Variants in RBM27 observed in about 807,000 individuals in gnomAD.
RBM27 encodes the protein RNA binding motif protein 27.
In RBM27, 22 loss-of-function variants were observed where a neutral mutation model predicts 135.3. That is an observed-to-expected ratio of 0.16 (90% confidence interval 0.12 to 0.23). The LOEUF is 0.23. Ranked by LOEUF, RBM27 falls within the 10% of genes least tolerant of loss-of-function variation. The pLI, the probability that RBM27 is intolerant of heterozygous loss-of-function variation, is 1.00. For missense variants in RBM27, 1,009 were observed against 1,281.0 expected (o/e 0.79, Z 3.24); for synonymous variants, 481 against 442.4 (o/e 1.09, Z -1.10).
intron 6 of RBM27, among the ~76,000 whole-genome samples, chr5:146,233,100 T>A (rs1000025599): frequency 3.9e-5 from 6 of 152,308 alleles, no homozygotes; most frequent in African/African-American, 1.4e-4. Flanking sequence ...ATGCCCTTAT[T>A]CTCCCCTACC....
intron 19 of RBM27, among the ~76,000 whole-genome samples, chr5:146,273,495 A>G (rs894655278): frequency 8.5e-5 from 13 of 152,166 alleles, no homozygotes; most frequent in Admixed American, 2.6e-4. Context: ...TTTGATTTGG[A>G]TGGCTCTTTT....
At chr5:146,245,177 T>C (rs1001026186) in intron 8 of RBM27, 3 of 152,168 alleles carry the variant, frequency 2.0e-5, no homozygotes, top group Non-Finnish European at 2.9e-5. Flanking sequence ...CCCTAATTTT[T>C]TTTTTTTTTG....
intron 7 of RBM27, among the ~76,000 whole-genome samples, chr5:146,236,264 T>A (rs1278946286): frequency 6.6e-6 from 1 of 152,258 alleles, no homozygotes; most frequent in Non-Finnish European, 1.5e-5. Context: ...TTTTACTGTA[T>A]TTATGTTAGC....
chr5:146,268,422 A>G (rs898426396), intron 15 of RBM27, among the ~76,000 whole-genome samples: 1 of 151,572 alleles, frequency 6.6e-6, no homozygotes. Context: ...TTGTATTTTT[A>G]GTAGAGATGG....
chr5:146,221,802 C>T lies in RBM27; in HGVS notation c.179-1601C>T, dbSNP rs922971843. ...TTAAAGAGCTACATATGGCTAGTGG[C>T]TACTATATTGGACAGTGCAACTGTA... On this transcript the variant is annotated intron_variant, in intron 2 of 20. Coordinates refer to ENST00000265271, the MANE Select transcript of RBM27 (RefSeq NM_018989.2). Among the ~76,000 whole-genome samples the T allele has an allele frequency of 1.4e-4, 21 of 152,254 alleles. No individual in the cohort carries two copies. The South Asian group carries it at 4.4e-3, about 32-fold the overall frequency.
intron 8 of RBM27, among the ~76,000 whole-genome samples, chr5:146,242,908 A>C (rs1299327253): frequency 6.6e-6 from 1 of 151,978 alleles, no homozygotes; most frequent in Non-Finnish European, 1.5e-5. Context: ...TCAGTTTTTA[A>C]TATCTTTCTA....
At chr5:146,274,392 G>T (rs189213970) in intron 19 of RBM27, among the ~76,000 whole-genome samples, 2 of 152,106 alleles carry the variant, frequency 1.3e-5, no homozygotes, top group Admixed American at 1.3e-4. Flanking sequence ...GAGTAGCTGA[G>T]ACTACAGGCA....
intron 8 of RBM27, among the ~76,000 whole-genome samples, chr5:146,248,317 A>G (rs1561546853): frequency 6.6e-6 from 1 of 151,084 alleles, no homozygotes; most frequent in South Asian, 2.1e-4. Flanking sequence ...ACTAAGGTGT[A>G]CCAGGCTCAT....
intron 1 of RBM27, among the ~76,000 whole-genome samples, chr5:146,208,245 C>T (rs772000356): frequency 3.3e-5 from 5 of 152,168 alleles, no homozygotes; most frequent in African/African-American, 1.2e-4. Flanking sequence ...TGAGCCACTG[C>T]GCCCGGCCAA....
chr5:146,274,740 A>C (rs901435497), intron 19 of RBM27, among the ~76,000 whole-genome samples: 1 of 152,202 alleles, frequency 6.6e-6, no homozygotes, highest in Admixed American at 6.5e-5. Flanking sequence ...AGCATATACA[A>C]ATTTAAAATA....
In RBM27 at chr5:146,266,709, G is replaced by A. The variant is rs1188835900; in HGVS notation, c.2332-940G>A. On this transcript the variant is annotated intron_variant, in intron 14 of 20. Coordinates refer to ENST00000265271, the MANE Select transcript of RBM27 (RefSeq NM_018989.2). ...CTAGCACTTTGGGAGGCTGAGGTGGGAGGATCACTTGAGCCTAGGAGTTTG... is the reference window on the plus strand; with the variant it reads ...CTAGCACTTTGGGAGGCTGAGGTGGAAGGATCACTTGAGCCTAGGAGTTTG... Among the ~76,000 whole-genome samples, 3 of 152,128 alleles carry A rather than the reference G, an allele frequency of 2.0e-5. No homozygotes were observed. In the East Asian group the frequency reaches 5.8e-4, roughly 29 times the overall value.
At chr5:146,281,893 T>A (rs1759367113) in intron 19 of RBM27, among the ~76,000 whole-genome samples, 3 of 152,228 alleles carry the variant, frequency 2.0e-5, no homozygotes, top group Admixed American at 6.5e-5. Flanking sequence ...CTTGGCTTCT[T>A]CTGTTTAATG....
chr5:146,205,493 C>T (rs1452456889), intron 1 of RBM27, among the ~76,000 whole-genome samples: 1 of 152,058 alleles, frequency 6.6e-6, no homozygotes, highest in Non-Finnish European at 1.5e-5. Flanking sequence ...TTCTGGGGGA[C>T]AGTGTCAAGC....
Position 146,218,580 on chromosome 5 carries a change from A to T in RBM27, c.60-405A>T, listed in dbSNP as rs571222727. On this transcript the variant is annotated intron_variant, in intron 1 of 20. Coordinates refer to ENST00000265271, the MANE Select transcript of RBM27 (RefSeq NM_018989.2). ...CTTGAGGAGAGGAGAAAGTTTTTCC[A>T]TCACTTCCCTTCCTTTTGCTCATTA... Among the ~76,000 whole-genome samples, 7 of 152,296 alleles carry T rather than the reference A, an allele frequency of 4.6e-5. No homozygotes were observed. The South Asian group carries it at 1.4e-3, about 32-fold the overall frequency.
intron 19 of RBM27, among the ~76,000 whole-genome samples, chr5:146,282,065 G>A (rs79821158): frequency 0.096 from 13,832 of 144,098 alleles, 805 homozygotes; most frequent in Non-Finnish European, 0.13. Flanking sequence ...TCACAGTGGC[G>A]CGATCTCGGC....
chr5:146,259,844 G>C (rs1163518823), intron 11 of RBM27, among the ~76,000 whole-genome samples: 1 of 150,292 alleles, frequency 6.7e-6, no homozygotes, highest in Middle Eastern at 3.2e-3. Context: ...GCAGTGGCGG[G>C]CGCCTGTAGT....
At chr5:146,204,929 G>T (rs1755561379) in intron 1 of RBM27, among the ~76,000 whole-genome samples, 1 of 151,772 alleles carries the variant, frequency 6.6e-6, no homozygotes, top group Non-Finnish European at 1.5e-5. Flanking sequence ...ACAATGTCTC[G>T]CTGTGTCTCC....
chr5:146,203,626 G>A lies in RBM27; in HGVS notation c.-140G>A. Reference sequence around the variant, plus strand: ...GGTTAGTTCCTGTTAGGCCCCGGCCGGGGGAGTAGGTTGAAGTCTCCTAAG... The same window carrying A: ...GGTTAGTTCCTGTTAGGCCCCGGCCAGGGGAGTAGGTTGAAGTCTCCTAAG... On this transcript the variant is annotated 5_prime_UTR_variant, in exon 1 of 21. Coordinates refer to ENST00000265271, the MANE Select transcript of RBM27 (RefSeq NM_018989.2). 3 of 732,962 alleles carry A rather than the reference G, an allele frequency of 4.1e-6. No individual in the cohort carries two copies. The highest frequency in any genetic ancestry group is 2.6e-5 in the Admixed American group (1 of 38,322). The allele number at this position is 732,962 out of a possible 1,614,324, so 45.4% of individuals were successfully genotyped here.
intron 12 of RBM27, chr5:146,261,245 G>A (rs946767101): frequency 1.8e-6 from 1 of 550,114 alleles, no homozygotes; most frequent in Middle Eastern, 4.8e-4. Context: ...GTTCTCACAT[G>A]GCAGACAGAG....
Sources: allele counts gnomAD v4.1 joint callset (sites outside exome capture counted in the v4.1 genomes callset), GRCh38; gene constraint gnomAD v4.1.1; transcripts MANE v1.5; gene names NCBI Gene and HGNC (gene_info 2026-07-23, HGNC 2026-07-21).